Variants in MDGA2 observed in about 807,000 individuals in gnomAD.
The protein encoded by MDGA2 is MAM domain containing glycosylphosphatidylinositol anchor 2, also known as MAM domain-containing glycosylphosphatidylinositol anchor protein 2.
In MDGA2, 40 loss-of-function variants were observed where a neutral mutation model predicts 117.8. The observed-to-expected ratio is 0.34, with a 90% CI of 0.26 to 0.44. The LOEUF is 0.44. Ranked by LOEUF, MDGA2 falls within the 20% of genes least tolerant of loss-of-function variation. MDGA2 has a pLI of 1.00. For synonymous variants in MDGA2, 452 were observed against 439.0 expected, an observed-to-expected ratio of 1.03 and a Z score of -0.37; for missense variants, 1,123 against 1,250.6, an observed-to-expected ratio of 0.90 and a Z score of 1.54.
intron 1 of MDGA2, among the ~76,000 whole-genome samples, chr14:47,627,786 C>T (rs1054707904): frequency 6.6e-6 from 1 of 152,094 alleles, no homozygotes; most frequent in Non-Finnish European, 1.5e-5. Context: ...ATAAATCTTG[C>T]TGCTGCTCAC....
intron 5 of MDGA2, among the ~76,000 whole-genome samples, chr14:47,116,901 A>G (rs758943305): frequency 6.6e-6 from 1 of 150,956 alleles, no homozygotes; most frequent in Non-Finnish European, 1.5e-5. Context: ...CAACAAAAAT[A>G]AACAAGTGGG....
rs1366355879 is a variant in MDGA2, at chr14:47,061,295, T to C, written c.1479A>G (p.Gly493=). The C allele has an allele frequency of 6.2e-7, 1 of 1,613,318 alleles. No individual in the cohort carries two copies. Among genetic ancestry groups the C allele is most frequent in the Non-Finnish European group, 8.5e-7 (1 of 1,179,592 alleles). ...TYTCVASLKG[G]GISDISIDVN... is the part of the protein sequence containing the mutation. Reference sequence around the variant, plus strand: ...CATCGATACTGATATCAGATATTCCTCCTCCCTTCAGAGATGCTACACATG... The same window carrying C: ...CATCGATACTGATATCAGATATTCCCCCTCCCTTCAGAGATGCTACACATG... Residue 493 remains glycine (G), a synonymous_variant, in exon 7 of 17, where the codon GGA becomes GGG. Coordinates refer to ENST00000399232, the MANE Select transcript of MDGA2 (RefSeq NM_001113498.3).
intron 1 of MDGA2, chr14:47,626,520 G>T (rs1024580567): frequency 2.6e-5 from 4 of 152,768 alleles, no homozygotes; most frequent in Non-Finnish European, 5.8e-5. Context: ...GGCCAAGGCT[G>T]GAGCCGGCTC....
chr14:46,980,530 A>G (rs1352665286), intron 8 of MDGA2, among the ~76,000 whole-genome samples: 1 of 152,216 alleles, frequency 6.6e-6, no homozygotes, highest in African/African-American at 2.4e-5. Context: ...ATTGACTCCA[A>G]TTTTGAAAGA....
chr14:46,961,173 C>T (rs571869302), intron 8 of MDGA2, among the ~76,000 whole-genome samples: 1 of 152,096 alleles, frequency 6.6e-6, no homozygotes, highest in Non-Finnish European at 1.5e-5. Context: ...TTTCAATATA[C>T]GGTTCCTAGT....
chr14:46,927,990 C>A (rs1884395823), intron 9 of MDGA2, among the ~76,000 whole-genome samples: 1 of 152,070 alleles, frequency 6.6e-6, no homozygotes, highest in Non-Finnish European at 1.5e-5. Context: ...TCAGTCTTTA[C>A]AAATCACTGG....
intron 1 of MDGA2, among the ~76,000 whole-genome samples, chr14:47,491,132 AT>A (rs1013101423): frequency 3.9e-5 from 6 of 151,996 alleles, no homozygotes; most frequent in East Asian, 1.9e-4. Context: ...GTTAAGCAGA[AT>A]TTTTTTTGTT....
intron 3 of MDGA2, among the ~76,000 whole-genome samples, chr14:47,167,892 C>CA (rs1287621877): frequency 6.6e-6 from 1 of 152,114 alleles, no homozygotes; most frequent in African/African-American, 2.4e-5. Flanking sequence ...TGTAATGTCC[C>CA]AAGCATATAA....
chr14:47,486,551 G>A (rs538408985), intron 1 of MDGA2, among the ~76,000 whole-genome samples: 1 of 152,104 alleles, frequency 6.6e-6, no homozygotes, highest in Admixed American at 6.6e-5. Context: ...TGAGATTTGG[G>A]GGGTGGCCAG....
chr14:46,946,774 A>G (rs1179179166), intron 9 of MDGA2, among the ~76,000 whole-genome samples: 1 of 152,044 alleles, frequency 6.6e-6, no homozygotes, highest in Non-Finnish European at 1.5e-5. Context: ...TTTACCCCTA[A>G]GTTCCTCCAG....
At chr14:47,438,044 G>C (rs1892932154) in intron 1 of MDGA2, among the ~76,000 whole-genome samples, 1 of 152,050 alleles carries the variant, frequency 6.6e-6, no homozygotes, top group Non-Finnish European at 1.5e-5. Flanking sequence ...TATTTCTCAA[G>C]ACCTCATTCT....
chr14:47,108,893 TGG>T (rs1219799225), intron 5 of MDGA2, among the ~76,000 whole-genome samples: 2 of 152,200 alleles, frequency 1.3e-5, no homozygotes, highest in Non-Finnish European at 2.9e-5. Context: ...TACCAATAGT[TGG>T]GGTACTAATA....
intron 5 of MDGA2, among the ~76,000 whole-genome samples, chr14:47,116,581 G>T (rs1056218426): frequency 6.6e-6 from 1 of 151,984 alleles, no homozygotes; most frequent in Non-Finnish European, 1.5e-5. Flanking sequence ...AAATGGAACA[G>T]AATAGAGAGC....
intron 16 of MDGA2, among the ~76,000 whole-genome samples, chr14:46,843,780 A>G (rs1880710515): frequency 6.6e-6 from 1 of 152,182 alleles, no homozygotes; most frequent in Non-Finnish European, 1.5e-5. Flanking sequence ...CTAAATATAG[A>G]AAATTACCAA....
At chr14:47,242,436 T>C (rs1887075086) in intron 2 of MDGA2, among the ~76,000 whole-genome samples, 2 of 151,284 alleles carry the variant, frequency 1.3e-5, no homozygotes, top group African/African-American at 2.4e-5. Flanking sequence ...TTCAGGGAGG[T>C]GTGGAGGGAG....
At chr14:47,192,020 A>C (rs1885130512) in intron 3 of MDGA2, among the ~76,000 whole-genome samples, 1 of 152,222 alleles carries the variant, frequency 6.6e-6, no homozygotes, top group Non-Finnish European at 1.5e-5. Flanking sequence ...CCAGCCAAGC[A>C]ATTAATGAAG....
At chr14:47,527,750 G>A (rs1895002761) in intron 1 of MDGA2, among the ~76,000 whole-genome samples, 1 of 152,164 alleles carries the variant, frequency 6.6e-6, no homozygotes, top group Non-Finnish European at 1.5e-5. Flanking sequence ...AGGCTTCAAT[G>A]GAACTATTTT....
Position 47,365,464 on chromosome 14 carries a change from C to T in MDGA2, c.281-63914G>A, listed in dbSNP as rs571169960. ...ATTACTGCAGCTATGCTGCTGGCAG[C>T]GCAACCCATTGCCATTCGTAAGCTA... On this transcript the variant is annotated intron_variant, in intron 1 of 16. Transcript: ENST00000399232. Among the ~76,000 whole-genome samples the T allele has an allele frequency of 3.9e-5, 6 of 152,376 alleles. No individual in the cohort carries two copies. The East Asian group carries it at 5.8e-4, about 15-fold the overall frequency.
At chr14:47,147,810 A>G (rs1315871327) in intron 3 of MDGA2, among the ~76,000 whole-genome samples, 2 of 152,038 alleles carry the variant, frequency 1.3e-5, no homozygotes, top group Non-Finnish European at 2.9e-5. Flanking sequence ...CTATAGTAGG[A>G]CTATATCCAT....
Sources: gnomAD v4.1 joint callset for allele counts (sites outside exome capture counted in the v4.1 genomes callset) on GRCh38, gnomAD v4.1.1 for gene constraint, MANE v1.5 for transcripts, NCBI Gene and HGNC (gene_info 2026-07-23, HGNC 2026-07-21) for gene names.